Variants in TRIO observed in about 807,000 individuals in gnomAD.
TRIO encodes the protein triple functional domain protein.
A neutral mutation model predicts 351.9 loss-of-function variants in TRIO; 58 were observed. The ratio of observed to expected loss-of-function variants is 0.16; its 90% CI spans 0.13 to 0.21. The LOEUF (loss-of-function observed/expected upper bound fraction) is 0.21, where lower values mean the gene tolerates loss of function less well. Ranked by LOEUF, TRIO falls within the 10% of genes least tolerant of loss-of-function variation. TRIO has a pLI of 1.00. For missense variants in TRIO, 3,201 were observed against 4,027.8 expected (o/e 0.79, Z 5.56); for synonymous variants, 1,758 against 1,595.7 (o/e 1.10, Z -2.42).
rs1267253933 is a variant in TRIO, at chr5:14,474,097, A to T, written c.6083A>T (p.Asp2028Val). ...NIHQIYDWHR[D>V]FFLGELEKCL... ...CATCAGATTTACGACTGGCACAGAG[A>T]GTACGTAAACATGCATTGTGCCCGA... Residue 2028 changes from aspartate to valine, a missense_variant and splice_region_variant, in exon 40 of 57, where the codon GAC becomes GTC. Asp to Val is a radical substitution (Grantham distance 152, BLOSUM62 -3). Transcript: ENST00000344204. 1.2e-6 allele frequency: 2 copies of T among 1,611,968 alleles called. No homozygotes were observed. The highest frequency in any genetic ancestry group is 1.1e-5 in the South Asian group (1 of 90,960).
At chr5:14,324,117 G>T (rs247141) in intron 9 of TRIO, among the ~76,000 whole-genome samples, 111,991 of 152,088 alleles carry the variant, frequency 0.74, 41,970 homozygotes, top group Middle Eastern at 0.8. Flanking sequence ...CAGTGACTGA[G>T]TAACTAAAAT....
At chr5:14,331,624 G>A (rs933440591) in intron 10 of TRIO, among the ~76,000 whole-genome samples, 3 of 152,186 alleles carry the variant, frequency 2.0e-5, no homozygotes, top group Non-Finnish European at 4.4e-5. Context: ...TGTTTAGGTG[G>A]TGGAAGCGAG....
At chr5:14,232,408 G>A (rs1793497182) in intron 1 of TRIO, among the ~76,000 whole-genome samples, 1 of 152,014 alleles carries the variant, frequency 6.6e-6, no homozygotes, top group African/African-American at 2.4e-5. Flanking sequence ...TCTGGCCCCT[G>A]CACCAGCTTA....
intron 28 of TRIO, among the ~76,000 whole-genome samples, chr5:14,396,357 T>TAAAC (rs1747576164): frequency 2.7e-5 from 4 of 150,176 alleles, no homozygotes; most frequent in Non-Finnish European, 5.9e-5. Context: ...GATTGTGTGG[T>TAAAC]AAACGCACAG....
intron 1 of TRIO, among the ~76,000 whole-genome samples, chr5:14,145,642 T>C (rs1787470366): frequency 6.6e-6 from 1 of 152,212 alleles, no homozygotes; most frequent in Non-Finnish European, 1.5e-5. Context: ...TAATAGATTC[T>C]GTGCAGAATT....
intron 11 of TRIO, among the ~76,000 whole-genome samples, chr5:14,357,185 T>C (rs934968313): frequency 2.0e-5 from 3 of 152,226 alleles, no homozygotes; most frequent in African/African-American, 4.8e-5. Context: ...TTTTGACTTA[T>C]GAGTCTTGAG....
In TRIO at chr5:14,492,886, A is replaced by AC. The variant is rs556862214; in HGVS notation, c.7880+74dup. 180 of 1,577,182 alleles carry AC rather than the reference A, an allele frequency of 1.1e-4. No individual in the cohort carries two copies. In the African/African-American group the frequency reaches 1.9e-3, roughly 17 times the overall value. The stretch of plus-strand genomic sequence containing the variant: ...GGGCACAGCACCCGTGAGGCACACG[A>AC]CCTCAGACGGGGTAAGCATGTGGAA... On this transcript the variant is annotated intron_variant, in intron 49 of 56. Transcript: ENST00000344204.
At chr5:14,295,750 G>T (rs540027640) in intron 6 of TRIO, among the ~76,000 whole-genome samples, 5 of 152,246 alleles carry the variant, frequency 3.3e-5, no homozygotes, top group Non-Finnish European at 7.3e-5. Context: ...CCAGATGCCA[G>T]TTAGAGCGTT....
intron 31 of TRIO, among the ~76,000 whole-genome samples, chr5:14,403,702 T>G (rs1246705594): frequency 0.026 from 640 of 24,864 alleles, 10 homozygotes; most frequent in African/African-American, 0.066. Context: ...GGGTGTAGGT[T>G]GTGGTGAGGG....
chr5:14,216,633 T>C (rs1001361510), intron 1 of TRIO, among the ~76,000 whole-genome samples: 3 of 152,276 alleles, frequency 2.0e-5, no homozygotes, highest in Admixed American at 1.3e-4. Flanking sequence ...ATTGGAGTCC[T>C]ACCTCTTGGT....
chr5:14,315,947 A>C (rs771915353), intron 8 of TRIO, among the ~76,000 whole-genome samples: 24 of 152,196 alleles, frequency 1.6e-4, no homozygotes, highest in Non-Finnish European at 8.8e-5. Flanking sequence ...TGGCATTTTA[A>C]ATTTTCTTTT....
intron 7 of TRIO, among the ~76,000 whole-genome samples, chr5:14,298,744 T>C (rs1399559855): frequency 6.6e-6 from 1 of 152,224 alleles, no homozygotes; most frequent in African/African-American, 2.4e-5. Context: ...CATAGCACCA[T>C]GTAAAAGCTG....
intron 35 of TRIO, among the ~76,000 whole-genome samples, chr5:14,462,077 C>T (rs536865251): frequency 2.1e-4 from 32 of 152,318 alleles, no homozygotes; most frequent in Non-Finnish European, 2.1e-4. Context: ...CGACTCAAGT[C>T]TCACACAGGT....
rs533025478 is a variant in TRIO, at chr5:14,389,054, C to G, written c.3949-235C>G. 2.2e-4 allele frequency among the ~76,000 whole-genome samples: 33 copies of G among 152,206 alleles called. No individual in the cohort carries two copies. In the East Asian group the frequency reaches 5.6e-3, roughly 26 times the overall value. On this transcript the variant is annotated intron_variant, in intron 24 of 56. Coordinates refer to ENST00000344204, the MANE Select transcript of TRIO (RefSeq NM_007118.4). ...TTATACTTGTGGAGTAGGTTAATTC[C>G]AAAATTTGAAGCTGGGAATAATTTT...
chr5:14,266,081 G>A (rs1295542991), intron 1 of TRIO, among the ~76,000 whole-genome samples: 1 of 130,858 alleles, frequency 7.6e-6, no homozygotes, highest in African/African-American at 2.9e-5. Context: ...TTTTTTTTTG[G>A]AGACAGAGTC....
chr5:14,508,366 C>A lies in TRIO; in HGVS notation c.9238C>A (p.Arg3080=), dbSNP rs1302579134. The change falls in exon 57 of 57, where the codon CGA becomes AGA. Residue 3080 remains arginine, a synonymous_variant. Transcript: ENST00000344204. ...IERRKHQNDV[R]PIRSIKNFLQ... is the part of the protein sequence containing the mutation. ...GCGGCGCAAACACCAGAATGATGTT[C>A]GACCTATCCGTAGCATTAAAAACTT... 1 of 1,613,950 alleles carries A rather than the reference C, an allele frequency of 6.2e-7. No individual in the cohort carries two copies. Among genetic ancestry groups the A allele is most frequent in the South Asian group, 1.1e-5 (1 of 91,086 alleles).
intron 1 of TRIO, among the ~76,000 whole-genome samples, chr5:14,207,423 CACACACACGCAGCCAGGTAGCATAGCA>C: frequency 1.1e-5 from 1 of 94,168 alleles, no homozygotes; most frequent in Admixed American, 1.1e-4. Flanking sequence ...CACACACACA[CACACACACGCAGCCAGGTAGCATAGCA>C]AGACTGTCTC....
At chr5:14,288,154 GTTAA>G (rs1245009069) in intron 4 of TRIO, among the ~76,000 whole-genome samples, 2 of 152,152 alleles carry the variant, frequency 1.3e-5, no homozygotes, top group African/African-American at 2.4e-5. Context: ...TTTATTGGGT[GTTAA>G]TTATTTTCTT....
chr5:14,270,394 G>T (rs1023532742), intron 1 of TRIO, among the ~76,000 whole-genome samples: 21 of 152,186 alleles, frequency 1.4e-4, no homozygotes, highest in Non-Finnish European at 8.8e-5. Context: ...ATGGAATGAG[G>T]CATTGAGCTC....
Sources: allele counts gnomAD v4.1 joint callset (sites outside exome capture counted in the v4.1 genomes callset), GRCh38; gene constraint gnomAD v4.1.1; transcripts MANE v1.5; gene names NCBI Gene and HGNC (gene_info 2026-07-23, HGNC 2026-07-21).